The following GRXCR1 variants were observed in gnomAD, a reference collection of about 807,000 sequenced individuals.
The protein encoded by GRXCR1 is glutaredoxin domain-containing cysteine-rich protein 1.
Under a neutral mutation model 27.3 loss-of-function variants are expected in GRXCR1, and 27 were observed. That is an observed-to-expected ratio of 0.99 (90% CI 0.73 to 1.37). The LOEUF (loss-of-function observed/expected upper bound fraction) is 1.37. Among genes scored for constraint, GRXCR1 ranks in the 40% most tolerant of loss-of-function variants. The probability of loss-of-function intolerance (pLI) is 0.00; values close to 1 mark genes in which losing one functional copy is unlikely to be tolerated. For synonymous variants in GRXCR1, 122 were observed against 131.1 expected (o/e 0.93, Z 0.47); for missense variants, 379 against 354.4 (o/e 1.07, Z -0.56).
intron 2 of GRXCR1, among the ~76,000 whole-genome samples, chr4:42,999,652 C>T (rs1298754148): frequency 6.6e-6 from 1 of 152,210 alleles, no homozygotes; most frequent in Non-Finnish European, 1.5e-5. Flanking sequence ...AGGCCATTCT[C>T]CATAATTCAG....
At position 42,904,487 on chromosome 4, in the gene GRXCR1, A is replaced by C. The variant is rs1746539290; in HGVS notation, c.384+10837A>C. On this transcript the variant is annotated intron_variant, in intron 1 of 3. Transcript: ENST00000399770. ...TTTCTCTCCATTTAGACATAAGAGC[A>C]CTATTCTCTGGAGGGAGATGACCTG... Among the ~76,000 whole-genome samples, 3 of 152,312 alleles carry C rather than the reference A, an allele frequency of 2.0e-5. No homozygotes were observed. The South Asian group carries it at 6.2e-4, about 32-fold the overall frequency.
intron 1 of GRXCR1, among the ~76,000 whole-genome samples, chr4:42,903,753 AT>A (rs1003324424): frequency 2.3e-5 from 3 of 128,842 alleles, no homozygotes; most frequent in African/African-American, 8.2e-5. Flanking sequence ...TTACAAGCTG[AT>A]TTTTTTTCAG....
intron 1 of GRXCR1, among the ~76,000 whole-genome samples, chr4:42,937,741 C>T (rs1701192519): frequency 6.6e-6 from 1 of 151,896 alleles, no homozygotes; most frequent in Non-Finnish European, 1.5e-5. Context: ...TTTCAATTCT[C>T]ATATACATGT....
At chr4:42,921,992 G>A (rs1747022989) in intron 1 of GRXCR1, among the ~76,000 whole-genome samples, 1 of 152,062 alleles carries the variant, frequency 6.6e-6, no homozygotes, top group South Asian at 2.1e-4. Context: ...TTGGTTGGTG[G>A]CCACAGATTT....
intron 2 of GRXCR1, among the ~76,000 whole-genome samples, chr4:43,004,615 G>A (rs1712494661): frequency 6.6e-6 from 1 of 152,166 alleles, no homozygotes; most frequent in African/African-American, 2.4e-5. Flanking sequence ...GTGTGCCCTG[G>A]AGACATGTAG....
chr4:42,958,385 A>G (rs1748056393), intron 1 of GRXCR1, among the ~76,000 whole-genome samples: 1 of 152,002 alleles, frequency 6.6e-6, no homozygotes, highest in African/African-American at 2.4e-5. Flanking sequence ...ATGAAATTGG[A>G]CCCTTATCCT....
At chr4:42,965,673 T>C (rs1748221174) in intron 2 of GRXCR1, among the ~76,000 whole-genome samples, 1 of 151,956 alleles carries the variant, frequency 6.6e-6, no homozygotes, top group Admixed American at 6.6e-5. Flanking sequence ...TTTAGATGGG[T>C]GAGAAAAATC....
chr4:42,983,964 T>C (rs1207517438), intron 2 of GRXCR1, among the ~76,000 whole-genome samples: 3 of 151,902 alleles, frequency 2.0e-5, no homozygotes, highest in Non-Finnish European at 4.4e-5. Context: ...GCTTCCCTGG[T>C]AGCTGGGATT....
At chr4:42,930,950 C>T (rs1209600168) in intron 1 of GRXCR1, among the ~76,000 whole-genome samples, 1 of 151,898 alleles carries the variant, frequency 6.6e-6, no homozygotes, top group Non-Finnish European at 1.5e-5. Flanking sequence ...AACTCTAAAG[C>T]AAACAGCCAG....
At chr4:42,911,356 A>G (rs552574059) in intron 1 of GRXCR1, among the ~76,000 whole-genome samples, 6 of 152,260 alleles carry the variant, frequency 3.9e-5, no homozygotes, top group African/African-American at 1.4e-4. Flanking sequence ...AGTGTATAAA[A>G]TCAAACAATA....
intron 1 of GRXCR1, among the ~76,000 whole-genome samples, chr4:42,923,484 G>T (rs1747070354): frequency 6.6e-6 from 1 of 152,006 alleles, no homozygotes; most frequent in South Asian, 2.1e-4. Context: ...TTAAAAAAAT[G>T]GACTATTTAT....
intron 1 of GRXCR1, among the ~76,000 whole-genome samples, chr4:42,960,757 C>T (rs1403881752): frequency 1.3e-5 from 2 of 151,718 alleles, no homozygotes; most frequent in African/African-American, 4.8e-5. Flanking sequence ...GACAATAGTT[C>T]ATTAGCTTCC....
At position 43,030,617 on chromosome 4, in the gene GRXCR1, G is replaced by T. The variant is rs970164633; in HGVS notation, c.*77G>T. 2.6e-6 allele frequency: 3 copies of T among 1,160,586 alleles called. No individual in the cohort carries two copies. In the African/African-American group the frequency reaches 4.7e-5, roughly 18 times the overall value. The allele number at this position is 1,160,586 out of a possible 1,614,324, so 71.9% of individuals were successfully genotyped here. ...TTGGTTTATATATATATTTTTAAATGGTTATGTTTATGGATTAATCAATAA... is the reference window on the plus strand; with the variant it reads ...TTGGTTTATATATATATTTTTAAATTGTTATGTTTATGGATTAATCAATAA... On this transcript the variant is annotated 3_prime_UTR_variant, in exon 4 of 4. Transcript: ENST00000399770.
chr4:43,027,878 G>T (rs1713305177), intron 3 of GRXCR1, among the ~76,000 whole-genome samples: 1 of 152,178 alleles, frequency 6.6e-6, no homozygotes, highest in African/African-American at 2.4e-5. Flanking sequence ...GGGAGGCCGA[G>T]GTGGGTGGAT....
intron 1 of GRXCR1, among the ~76,000 whole-genome samples, chr4:42,955,314 C>A (rs906660230): frequency 6.6e-6 from 1 of 151,998 alleles, no homozygotes; most frequent in Non-Finnish European, 1.5e-5. Flanking sequence ...TGTAAGTGAC[C>A]GATACATGTG....
chr4:42,946,013 A>G (rs775024205), intron 1 of GRXCR1, among the ~76,000 whole-genome samples: 2 of 152,170 alleles, frequency 1.3e-5, no homozygotes, highest in Non-Finnish European at 2.9e-5. Flanking sequence ...GATTTGTTTG[A>G]ATATATCATG....
chr4:42,951,473 TAAAGA>T (rs1361951577), intron 1 of GRXCR1, among the ~76,000 whole-genome samples: 1 of 152,202 alleles, frequency 6.6e-6, no homozygotes, highest in Non-Finnish European at 1.5e-5. Flanking sequence ...TTTTTGTTCC[TAAAGA>T]AAAGTTTGAC....
intron 3 of GRXCR1, among the ~76,000 whole-genome samples, chr4:43,029,987 T>G (rs1713369679): frequency 6.6e-6 from 1 of 152,206 alleles, no homozygotes; most frequent in Non-Finnish European, 1.5e-5. Context: ...ATGAAACTGT[T>G]AAATGATACT....
intron 1 of GRXCR1, among the ~76,000 whole-genome samples, chr4:42,893,895 T>C (rs1746291729): frequency 6.6e-6 from 1 of 152,136 alleles, no homozygotes; most frequent in African/African-American, 2.4e-5. Context: ...TTCCTTCCAG[T>C]GTGTGATGAC....
Sources: gnomAD v4.1 joint callset for allele counts (sites outside exome capture counted in the v4.1 genomes callset) on GRCh38, gnomAD v4.1.1 for gene constraint, MANE v1.5 for transcripts, NCBI Gene and HGNC (gene_info 2026-07-23, HGNC 2026-07-21) for gene names.